MAGI1: variants seen among roughly 807,000 people sequenced by gnomAD.
MAGI1 encodes membrane associated guanylate kinase, WW and PDZ domain containing 1.
A neutral mutation model predicts 139.9 loss-of-function variants in MAGI1; 58 were observed. The ratio of observed to expected loss-of-function variants is 0.41; its 90% CI spans 0.34 to 0.52. The LOEUF (loss-of-function observed/expected upper bound fraction) is 0.52, where lower values mean the gene tolerates loss of function less well. Ranked by LOEUF, MAGI1 falls within the 20% of genes least tolerant of loss-of-function variation. The probability of loss-of-function intolerance (pLI) is 0.12; values close to 1 mark genes in which losing one functional copy is unlikely to be tolerated. For missense variants in MAGI1, 1,874 were observed against 1,901.6 expected (o/e 0.99, Z 0.27); for synonymous variants, 812 against 737.9 (o/e 1.10, Z -1.63).
intron 2 of MAGI1, among the ~76,000 whole-genome samples, chr3:65,523,681 A>G (rs1356305784): frequency 7.2e-5 from 11 of 152,176 alleles, no homozygotes; most frequent in Non-Finnish European, 1.6e-4. Flanking sequence ...TGTGCTTGAA[A>G]AGGAACTCAT....
intron 1 of MAGI1, among the ~76,000 whole-genome samples, chr3:65,786,510 G>C (rs9873020): frequency 0.035 from 5,274 of 151,200 alleles, 304 homozygotes; most frequent in African/African-American, 0.12. Context: ...GTTTCCCCAT[G>C]TTGCCTGGTC....
chr3:65,766,444 G>T (rs180779525), intron 1 of MAGI1, among the ~76,000 whole-genome samples: 20 of 152,146 alleles, frequency 1.3e-4, no homozygotes, highest in South Asian at 2.1e-4. Flanking sequence ...ACGTTGCAAG[G>T]GATTGTACAG....
chr3:65,694,556 G>A (rs2088973990), intron 1 of MAGI1, among the ~76,000 whole-genome samples: 1 of 152,144 alleles, frequency 6.6e-6, no homozygotes, highest in Non-Finnish European at 1.5e-5. Context: ...CCATCCTCAG[G>A]GGTCAGAGAA....
At chr3:65,528,645 C>T (rs775067341) in intron 2 of MAGI1, among the ~76,000 whole-genome samples, 1 of 152,166 alleles carries the variant, frequency 6.6e-6, no homozygotes, top group Non-Finnish European at 1.5e-5. Flanking sequence ...AAGCACTTTG[C>T]AGGATGTGTA....
rs74279582 is a variant in MAGI1 at position 65,958,050 on chromosome 3, C to T, written c.313+79946G>A. 0.011 allele frequency among the ~76,000 whole-genome samples: 1,603 copies of T among 152,190 alleles called. 49 individuals are homozygous for T. In the East Asian group the frequency reaches 0.11, roughly 10 times the overall value. ...CTGGAATTACAGGTGTGAGCCACCG[C>T]GCCTGGCCTAGTTCTTGATTGAACT... On this transcript the variant is annotated intron_variant, in intron 1 of 22. Coordinates refer to ENST00000402939, the MANE Select transcript of MAGI1 (RefSeq NM_001033057.2).
chr3:66,010,423 C>T (rs1443923981), intron 1 of MAGI1, among the ~76,000 whole-genome samples: 6 of 152,108 alleles, frequency 3.9e-5, no homozygotes, highest in Admixed American at 3.9e-4. Flanking sequence ...CTACGGAACT[C>T]TTAGCATGAT....
chr3:65,557,860 A>T (rs2080159606), intron 2 of MAGI1, among the ~76,000 whole-genome samples: 1 of 152,190 alleles, frequency 6.6e-6, no homozygotes, highest in Non-Finnish European at 1.5e-5. Flanking sequence ...GGGAGTTAAC[A>T]TGTAACGTGA....
intron 3 of MAGI1, among the ~76,000 whole-genome samples, chr3:65,488,325 A>G (rs542731447): frequency 7.2e-5 from 11 of 151,802 alleles, no homozygotes; most frequent in African/African-American, 2.7e-4. Context: ...CAAAACACTC[A>G]TAACTTTTTT....
chr3:65,778,245 C>G (rs781674853), intron 1 of MAGI1, among the ~76,000 whole-genome samples: 1 of 151,982 alleles, frequency 6.6e-6, no homozygotes, highest in Non-Finnish European at 1.5e-5. Flanking sequence ...GGCTGGCCAA[C>G]ATGGTGAAAC....
At chr3:65,490,642 G>C (rs1951941466) in intron 3 of MAGI1, among the ~76,000 whole-genome samples, 8 of 151,694 alleles carry the variant, frequency 5.3e-5, no homozygotes, top group Admixed American at 3.9e-4. Context: ...TCATGAGATC[G>C]AGACCATCCT....
intron 1 of MAGI1, among the ~76,000 whole-genome samples, chr3:65,994,137 G>C (rs917462358): frequency 6.6e-6 from 1 of 151,966 alleles, no homozygotes; most frequent in Non-Finnish European, 1.5e-5. Flanking sequence ...AGCCAGGCGT[G>C]GTGGTGGGTG....
At chr3:65,470,190 T>A in intron 5 of MAGI1, 93 bp downstream of exon 5, 1 of 824,832 alleles carries the variant, frequency 1.2e-6, no homozygotes, top group East Asian at 2.6e-5. Flanking sequence ...GATCAATCCC[T>A]TAAATGTAAT....
intron 1 of MAGI1, among the ~76,000 whole-genome samples, chr3:65,889,366 A>G (rs961727567): frequency 6.6e-6 from 1 of 152,246 alleles, no homozygotes; most frequent in Non-Finnish European, 1.5e-5. Context: ...TTGCTGCTAC[A>G]TATTTTGTAT....
intron 1 of MAGI1, among the ~76,000 whole-genome samples, chr3:65,700,223 C>A (rs908799335): frequency 6.6e-6 from 1 of 152,106 alleles, no homozygotes; most frequent in Non-Finnish European, 1.5e-5. Context: ...GCGGGCAGAT[C>A]ACGAGGTCAG....
At chr3:65,786,817 G>A (rs936048882) in intron 1 of MAGI1, among the ~76,000 whole-genome samples, 3 of 151,970 alleles carry the variant, frequency 2.0e-5, no homozygotes, top group Admixed American at 6.6e-5. Flanking sequence ...GGATTTCACC[G>A]TGTTAGCCAG....
intron 13 of MAGI1, among the ~76,000 whole-genome samples, chr3:65,398,482 A>G (rs1281737910): frequency 6.6e-6 from 1 of 152,178 alleles, no homozygotes; most frequent in Non-Finnish European, 1.5e-5. Flanking sequence ...CTTGATGACA[A>G]AGTGAGACCT....
At position 65,845,531 on chromosome 3, in the gene MAGI1, C is replaced by T. The variant is rs572990546; in HGVS notation, c.313+192465G>A. On this transcript the variant is annotated intron_variant, in intron 1 of 22. Transcript: ENST00000402939. ...CAGAGTAGGCACTCAAAAAATGCCA[C>T]CTATTGCTACATTTTTCATCATCCA... Among the ~76,000 whole-genome samples the T allele has an allele frequency of 4.2e-3, 643 of 152,284 alleles. 9 individuals are homozygous for T. The highest frequency in any genetic ancestry group is 0.015 in the African/African-American group (621 of 41,542).
rs866885210 is a variant in MAGI1, at chr3:65,818,035, A to C, written c.314-195947T>G. On this transcript the variant is annotated intron_variant, in intron 1 of 22. Coordinates refer to ENST00000402939, the MANE Select transcript of MAGI1 (RefSeq NM_001033057.2). The stretch of plus-strand genomic sequence containing the variant: ...ACTGCAGTTAGAAAACAACTAAGTA[A>C]AATTATGAGTGTGTGTGTGTGTGTG... Among the ~76,000 whole-genome samples the C allele has an allele frequency of 9.8e-5, 13 of 132,704 alleles. 1 individual carries two copies. The highest frequency in any genetic ancestry group is 3.7e-3 in the Middle Eastern group (1 of 270). 87.1% of individuals were successfully genotyped at this position (132,704 alleles called of 152,430 possible).
At chr3:65,763,539 T>TTTTCTATA (rs2037211142) in intron 1 of MAGI1, among the ~76,000 whole-genome samples, 2 of 152,008 alleles carry the variant, frequency 1.3e-5, no homozygotes, top group Non-Finnish European at 2.9e-5. Flanking sequence ...AGTAACTCAT[T>TTTTCTATA]TAATCCTCAA....
Sources: gnomAD v4.1 joint callset for allele counts (sites outside exome capture counted in the v4.1 genomes callset) on GRCh38, gnomAD v4.1.1 for gene constraint, MANE v1.5 for transcripts, NCBI Gene and HGNC (gene_info 2026-07-23, HGNC 2026-07-21) for gene names.